GPC6: variants seen among roughly 807,000 people sequenced by gnomAD.
The protein encoded by GPC6 is glypican-6.
In GPC6, 14 loss-of-function variants were observed where a neutral mutation model predicts 55.2. That is an observed-to-expected ratio of 0.25 (90% CI 0.17 to 0.40). The LOEUF (loss-of-function observed/expected upper bound fraction) is 0.40. Among genes scored for constraint, GPC6 ranks in the 10% least tolerant of loss-of-function variants. The pLI is 1.00. For synonymous variants in GPC6, 278 were observed against 259.6 expected, an observed-to-expected ratio of 1.07 and a Z score of -0.68; for missense variants, 641 against 708.5, an observed-to-expected ratio of 0.90 and a Z score of 1.08.
At position 93,409,199 on chromosome 13, in the gene GPC6, C is replaced by T. The variant is rs147166921; in HGVS notation, c.161-136064C>T. Reference sequence around the variant, plus strand: ...CCTAGTGTAATCTAGTTGCCATTTGCGGTATATAGTTGTCACGTATTACTG... The same window carrying T: ...CCTAGTGTAATCTAGTTGCCATTTGTGGTATATAGTTGTCACGTATTACTG... On this transcript the variant is annotated intron_variant, in intron 1 of 8. Transcript: ENST00000377047. Among the ~76,000 whole-genome samples the T allele has an allele frequency of 3.3e-3, 496 of 151,182 alleles. 8 individuals carry two copies. The highest frequency in any genetic ancestry group is 0.011 in the African/African-American group (468 of 41,178).
At chr13:94,095,460 T>G (rs562776257) in intron 4 of GPC6, among the ~76,000 whole-genome samples, 1 of 152,366 alleles carries the variant, frequency 6.6e-6, no homozygotes, top group East Asian at 1.9e-4. Context: ...CAACTCAACG[T>G]ATCCAAAATA....
intron 6 of GPC6, among the ~76,000 whole-genome samples, chr13:94,336,918 A>G (rs769342267): frequency 7.2e-5 from 11 of 152,324 alleles, no homozygotes; most frequent in South Asian, 4.1e-4. Context: ...CAAAAATGCT[A>G]ATGCTTCTAG....
rs548927562 is a variant in GPC6, at chr13:94,085,391, C to T, written c.877+57497C>T. On this transcript the variant is annotated intron_variant, in intron 4 of 8. Transcript: ENST00000377047. ...AAGAAAAATAATTTGTTTGTCTTGG[C>T]CTTGTTTTTGCTTTTGAGCAGGAAA... Among the ~76,000 whole-genome samples the T allele has an allele frequency of 3.0e-4, 45 of 151,138 alleles. No homozygotes were observed. In the South Asian group the frequency reaches 9.3e-3, roughly 31 times the overall value.
At chr13:93,457,947 C>T (rs551358794) in intron 1 of GPC6, among the ~76,000 whole-genome samples, 10 of 152,136 alleles carry the variant, frequency 6.6e-5, no homozygotes, top group Non-Finnish European at 1.5e-4. Context: ...AATTAGTTCT[C>T]CTTTCTGCCT....
At chr13:93,780,048 T>A (rs1366740069) in intron 2 of GPC6, among the ~76,000 whole-genome samples, 1 of 152,084 alleles carries the variant, frequency 6.6e-6, no homozygotes, top group Non-Finnish European at 1.5e-5. Flanking sequence ...GATGAATACC[T>A]AGATCAGGAG....
intron 2 of GPC6, among the ~76,000 whole-genome samples, chr13:93,638,984 C>T (rs926648552): frequency 1.3e-5 from 2 of 151,980 alleles, no homozygotes; most frequent in Admixed American, 1.3e-4. Flanking sequence ...GAAGTAAATT[C>T]TAGATGCTAA....
At chr13:93,293,538 A>G (rs535404895) in intron 1 of GPC6, among the ~76,000 whole-genome samples, 2 of 152,102 alleles carry the variant, frequency 1.3e-5, no homozygotes, top group Non-Finnish European at 1.5e-5. Flanking sequence ...AGTAATGGAC[A>G]ATTTCTAATA....
intron 1 of GPC6, among the ~76,000 whole-genome samples, chr13:93,492,239 C>G (rs1003220032): frequency 2.0e-5 from 3 of 146,670 alleles, no homozygotes; most frequent in African/African-American, 7.7e-5. Context: ...TCCTTCACAT[C>G]CCTTGTAAGT....
chr13:93,630,848 T>C (rs562041329), intron 2 of GPC6, among the ~76,000 whole-genome samples: 1 of 152,236 alleles, frequency 6.6e-6, no homozygotes, highest in East Asian at 1.9e-4. Flanking sequence ...CCCAAAATAT[T>C]CACATGTCAA....
intron 1 of GPC6, among the ~76,000 whole-genome samples, chr13:93,371,322 GT>G (rs1475417299): frequency 6.6e-6 from 1 of 152,012 alleles, no homozygotes; most frequent in Non-Finnish European, 1.5e-5. Flanking sequence ...TATTAAATAG[GT>G]TTAATCAGCC....
intron 1 of GPC6, among the ~76,000 whole-genome samples, chr13:93,298,970 C>A (rs970193825): frequency 6.6e-6 from 1 of 151,652 alleles, no homozygotes; most frequent in Non-Finnish European, 1.5e-5. Flanking sequence ...CTGTTACTTG[C>A]ATCTATTAGA....
intron 3 of GPC6, among the ~76,000 whole-genome samples, chr13:94,012,940 G>A (rs1378780415): frequency 6.6e-6 from 1 of 152,158 alleles, no homozygotes; most frequent in Non-Finnish European, 1.5e-5. Flanking sequence ...TTCTAGCTGA[G>A]GAAGACAACT....
rs879527236 is a variant in GPC6, at chr13:94,401,944, T to TGATTGATAGATA, written c.1466-1068_1466-1067insTGATAGATAGAT. 3.1e-3 allele frequency among the ~76,000 whole-genome samples: 463 copies of TGATTGATAGATA among 149,838 alleles called. 3 individuals are homozygous for TGATTGATAGATA. The highest frequency in any genetic ancestry group is 9.9e-3 in the African/African-American group (406 of 41,014). ...CAGACCCTATGATTGATTGATTGATTGATAGATAGATAGATAGATAGATAG... is the reference window on the plus strand; with the variant it reads ...CAGACCCTATGATTGATTGATTGATTGATTGATAGATAGATAGATAGATAGATAGATAGATAG... On this transcript the variant is annotated intron_variant, in intron 8 of 8. Coordinates refer to ENST00000377047, the MANE Select transcript of GPC6 (RefSeq NM_005708.5).
At chr13:93,398,523 T>C (rs1304883831) in intron 1 of GPC6, among the ~76,000 whole-genome samples, 1 of 152,192 alleles carries the variant, frequency 6.6e-6, no homozygotes, top group Non-Finnish European at 1.5e-5. Context: ...CTTTAACTTG[T>C]GAATCTGCAC....
chr13:93,331,431 T>C (rs180858971), intron 1 of GPC6, among the ~76,000 whole-genome samples: 1 of 152,324 alleles, frequency 6.6e-6, no homozygotes, highest in African/African-American at 2.4e-5. Flanking sequence ...AGAAGCGTGG[T>C]AGAGTATGAT....
At chr13:93,708,391 G>T (rs1341578922) in intron 2 of GPC6, among the ~76,000 whole-genome samples, 1 of 151,732 alleles carries the variant, frequency 6.6e-6, no homozygotes, top group Non-Finnish European at 1.5e-5. Context: ...CCTTACCCCA[G>T]CAACTTAGCA....
chr13:94,370,198 G>A (rs762760180), intron 6 of GPC6, among the ~76,000 whole-genome samples: 1 of 152,132 alleles, frequency 6.6e-6, no homozygotes, highest in Non-Finnish European at 1.5e-5. Context: ...TTGATCCCTG[G>A]GTGAAACTTA....
intron 4 of GPC6, among the ~76,000 whole-genome samples, chr13:94,126,290 G>C (rs1886809413): frequency 6.6e-6 from 1 of 152,130 alleles, no homozygotes; most frequent in Non-Finnish European, 1.5e-5. Flanking sequence ...GGCTGAGGTG[G>C]GAGAATCACT....
At chr13:93,345,936 A>G (rs952006977) in intron 1 of GPC6, among the ~76,000 whole-genome samples, 6 of 152,214 alleles carry the variant, frequency 3.9e-5, no homozygotes, top group Non-Finnish European at 8.8e-5. Context: ...AGTTCACCAT[A>G]GTTTGCAAGA....
Sources: gnomAD v4.1 joint callset for allele counts (sites outside exome capture counted in the v4.1 genomes callset) on GRCh38, gnomAD v4.1.1 for gene constraint, MANE v1.5 for transcripts, NCBI Gene and HGNC (gene_info 2026-07-23, HGNC 2026-07-21) for gene names.